The following DPP10 variants were observed in gnomAD, a reference collection of about 807,000 sequenced individuals.
The protein encoded by DPP10 is dipeptidyl peptidase like 10.
In DPP10, 33 loss-of-function variants were observed where a neutral mutation model predicts 120.9. The observed-to-expected ratio is 0.27, with a 90% CI of 0.21 to 0.37. The LOEUF (loss-of-function observed/expected upper bound fraction) is 0.37. Ranked by LOEUF, DPP10 falls within the 10% of genes least tolerant of loss-of-function variation. The pLI is 1.00. For synonymous variants in DPP10, 337 were observed against 326.1 expected, an observed-to-expected ratio of 1.03 and a Z score of -0.36; for missense variants, 816 against 942.8, an observed-to-expected ratio of 0.87 and a Z score of 1.76.
At chr2:114,729,806 T>C (rs1458734064) in intron 1 of DPP10, among the ~76,000 whole-genome samples, 2 of 152,212 alleles carry the variant, frequency 1.3e-5, no homozygotes, top group Admixed American at 6.5e-5. Context: ...TGGACTAACT[T>C]CGTGGTCCTA....
At chr2:115,403,956 C>G (rs553883945) in intron 3 of DPP10, among the ~76,000 whole-genome samples, 1 of 152,084 alleles carries the variant, frequency 6.6e-6, no homozygotes, top group Non-Finnish European at 1.5e-5. Context: ...CAATAATGGT[C>G]TATCTTAAAA....
intron 1 of DPP10, among the ~76,000 whole-genome samples, chr2:114,451,081 G>A (rs1385537306): frequency 3.3e-5 from 5 of 150,096 alleles, no homozygotes; most frequent in Admixed American, 2.6e-4. Context: ...TTTAAAGATC[G>A]GCCCTTTATT....
At chr2:115,184,552 T>A (rs562484684) in intron 1 of DPP10, among the ~76,000 whole-genome samples, 7 of 152,292 alleles carry the variant, frequency 4.6e-5, no homozygotes, top group Non-Finnish European at 8.8e-5. Context: ...TTTTCACAAC[T>A]GTACAGAAGT....
chr2:115,141,079 G>C (rs1466895553), intron 1 of DPP10, among the ~76,000 whole-genome samples: 1 of 152,160 alleles, frequency 6.6e-6, no homozygotes, highest in Non-Finnish European at 1.5e-5. Flanking sequence ...AGAAGGTAGG[G>C]ATGTTTGGTG....
intron 1 of DPP10, among the ~76,000 whole-genome samples, chr2:114,740,365 G>A (rs1384074980): frequency 9.5e-6 from 1 of 105,672 alleles, no homozygotes; most frequent in Admixed American, 1.1e-4. Flanking sequence ...TGTGGGGTGG[G>A]GGGAGGGGGG....
intron 1 of DPP10, among the ~76,000 whole-genome samples, chr2:114,836,267 G>A (rs1458052919): frequency 2.6e-5 from 4 of 152,210 alleles, no homozygotes; most frequent in Admixed American, 6.5e-5. Context: ...TTTATCAGGG[G>A]AAATTCAGCC....
chr2:114,563,048 T>C (rs1183567417), intron 1 of DPP10, among the ~76,000 whole-genome samples: 1 of 152,230 alleles, frequency 6.6e-6, no homozygotes, highest in Non-Finnish European at 1.5e-5. Context: ...ATGACTGTTT[T>C]TCATTCAAAT....
At chr2:115,732,126 G>A (rs17044932) in intron 8 of DPP10, among the ~76,000 whole-genome samples, 51,325 of 151,902 alleles carry the variant, frequency 0.34, 9,214 homozygotes, top group Middle Eastern at 0.46. Flanking sequence ...TACTTTACAG[G>A]AGTCAATTAC....
chr2:115,529,642 A>G (rs370430745), intron 5 of DPP10, among the ~76,000 whole-genome samples: 1 of 152,170 alleles, frequency 6.6e-6, no homozygotes, highest in Non-Finnish European at 1.5e-5. Flanking sequence ...GTGAATGAAA[A>G]TAGTTAAAAG....
In DPP10 at chr2:115,525,911, C is replaced by G; in HGVS notation, c.380C>G (p.Ala127Gly). 6.2e-7 allele frequency: 1 copy of G among 1,608,354 alleles called. No homozygotes were observed. The highest frequency in any genetic ancestry group is 8.5e-7 in the Non-Finnish European group (1 of 1,178,018). Residue 127 changes from alanine to glycine, a missense_variant, in exon 5 of 26, where the codon GCA becomes GGA. Around this residue, in one of 3 missense-constraint regions of DPP10, gnomAD observed 182 missense variants for 207.4 expected, o/e 0.88. Transcript: ENST00000410059. Reference sequence around the variant, plus strand: ...TTCTTTTTCTAGGTAACCTTCAAAGCATCAAGACATTCAGTTTCACCAGAT... The same window carrying G: ...TTCTTTTTCTAGGTAACCTTCAAAGGATCAAGACATTCAGTTTCACCAGAT... ...LENTTFVTFK[A>G]SRHSVSPDLK...
chr2:115,492,383 C>T (rs2076172178), intron 3 of DPP10, among the ~76,000 whole-genome samples: 1 of 152,100 alleles, frequency 6.6e-6, no homozygotes, highest in Non-Finnish European at 1.5e-5. Flanking sequence ...ACAGGTATTT[C>T]AATAAGTGGT....
At chr2:115,211,464 G>GA (rs1275414518) in intron 1 of DPP10, among the ~76,000 whole-genome samples, 3 of 152,150 alleles carry the variant, frequency 2.0e-5, no homozygotes, top group African/African-American at 7.2e-5. Flanking sequence ...TTCTGCTTAT[G>GA]AGAGTAGTCA....
At chr2:114,699,080 A>G (rs1334195951) in intron 1 of DPP10, among the ~76,000 whole-genome samples, 4 of 152,120 alleles carry the variant, frequency 2.6e-5, no homozygotes, top group East Asian at 3.9e-4. Flanking sequence ...CTATTTGTCC[A>G]TGAGTACACA....
intron 1 of DPP10, among the ~76,000 whole-genome samples, chr2:115,273,208 A>G (rs2059772462): frequency 6.6e-6 from 1 of 152,168 alleles, no homozygotes; most frequent in Admixed American, 6.5e-5. Flanking sequence ...CTAAAAGACA[A>G]CATATTTTTC....
rs570190291 is a variant in DPP10, at chr2:114,978,864, A to G, written c.61-330375A>G. ...TCATGCATGCTTGTTACCATCAACAATATAAGAATTATAGTTATTTCCTTC... is the reference window on the plus strand; with the variant it reads ...TCATGCATGCTTGTTACCATCAACAGTATAAGAATTATAGTTATTTCCTTC... On this transcript the variant is annotated intron_variant, in intron 1 of 25. Coordinates refer to ENST00000410059, the MANE Select transcript of DPP10 (RefSeq NM_020868.6). 7.2e-5 allele frequency among the ~76,000 whole-genome samples: 11 copies of G among 152,298 alleles called. No individual in the cohort carries two copies. In the South Asian group the frequency reaches 1.9e-3, roughly 26 times the overall value.
intron 1 of DPP10, among the ~76,000 whole-genome samples, chr2:114,943,295 A>G (rs2104587699): frequency 6.6e-6 from 1 of 151,764 alleles, no homozygotes; most frequent in African/African-American, 2.4e-5. Flanking sequence ...TTTCTTTGAG[A>G]CGGAATCTTG....
rs1167781014 is a variant in DPP10 at position 115,055,810 on chromosome 2, TA to T, written c.61-253425del. Among the ~76,000 whole-genome samples the T allele has an allele frequency of 3.9e-5, 6 of 152,284 alleles. No homozygotes were observed. In the East Asian group the frequency reaches 9.7e-4, roughly 24 times the overall value. ...CTCACAATTTTGTAATTGAATTCAT[TA>T]AAATTTTTACTCTCATAAATATTTG... On this transcript the variant is annotated intron_variant, in intron 1 of 25. Coordinates refer to ENST00000410059, the MANE Select transcript of DPP10 (RefSeq NM_020868.6).
At chr2:115,104,946 C>T (rs968037102) in intron 1 of DPP10, among the ~76,000 whole-genome samples, 2 of 151,468 alleles carry the variant, frequency 1.3e-5, no homozygotes, top group Non-Finnish European at 2.9e-5. Context: ...CCAGAGGTTG[C>T]AGTGAGCCAA....
At chr2:115,808,411 A>C (rs1202194322) in intron 19 of DPP10, among the ~76,000 whole-genome samples, 2 of 152,194 alleles carry the variant, frequency 1.3e-5, no homozygotes, top group Admixed American at 1.3e-4. Context: ...TGGGTGGCTC[A>C]GCTTCTACAA....
Sources: gnomAD v4.1 joint callset for allele counts (sites outside exome capture counted in the v4.1 genomes callset) on GRCh38, gnomAD v4.1.1 for gene constraint, gnomAD v4.1.1 regional missense constraint, MANE v1.5 for transcripts, NCBI Gene and HGNC (gene_info 2026-07-23, HGNC 2026-07-21) for gene names.